CDC20B: variants seen among roughly 807,000 people sequenced by gnomAD.
CDC20B encodes cell division cycle protein 20 homolog B.
Under a neutral mutation model 64.1 loss-of-function variants are expected in CDC20B, and 58 were observed. That is an observed-to-expected ratio of 0.90 (90% CI 0.73 to 1.13). CDC20B has a LOEUF of 1.13. Ranked by LOEUF, CDC20B falls within the 50% of genes most tolerant of loss-of-function variation. The pLI, the probability that CDC20B is intolerant of heterozygous loss-of-function variation, is 0.00. For missense variants in CDC20B, 597 were observed against 633.0 expected (o/e 0.94, Z 0.61); for synonymous variants, 243 against 230.6 (o/e 1.05, Z -0.49).
At chr5:55,158,016 A>G (rs1743862751) in intron 2 of CDC20B, among the ~76,000 whole-genome samples, 1 of 152,224 alleles carries the variant, frequency 6.6e-6, no homozygotes, top group South Asian at 2.1e-4. Flanking sequence ...ACATGAACAC[A>G]TCCACTATGG....
Position 55,124,811 on chromosome 5 carries a change from C to A in CDC20B, c.1207G>T (p.Ala403Ser), listed in dbSNP as rs1742837124. Residue 403 changes from alanine (A) to serine (S), a missense_variant, in exon 9 of 12, where the codon GCA (alanine) becomes TCA (serine). Ala to Ser is a moderately conservative substitution (Grantham distance 99, BLOSUM62 1). Transcript: ENST00000381375. Reference sequence around the variant, plus strand: ...TCTATTGGGTTTCTTACCTTGACTGCCGTAGACTGGGTTATGACTTTCAGC... The same window carrying A: ...TCTATTGGGTTTCTTACCTTGACTGACGTAGACTGGGTTATGACTTTCAGC... ...QPLKVITQST[A>S]VKAMDWCPWQ... 1.2e-6 allele frequency: 2 copies of A among 1,613,674 alleles called. No homozygotes were observed. Among genetic ancestry groups the A allele is most frequent in the East Asian group, 4.5e-5 (2 of 44,832 alleles).
chr5:55,131,293 T>C (rs1263082111), intron 6 of CDC20B, among the ~76,000 whole-genome samples: 1 of 152,194 alleles, frequency 6.6e-6, no homozygotes, highest in Non-Finnish European at 1.5e-5. Context: ...AAGTTAAAAT[T>C]ACATTGTAAT....
chr5:55,162,642 A>C (rs1744139288), intron 2 of CDC20B, among the ~76,000 whole-genome samples: 1 of 152,226 alleles, frequency 6.6e-6, no homozygotes, highest in Non-Finnish European at 1.5e-5. Context: ...TAACGCCATA[A>C]ATGGCAACCA....
chr5:55,113,246 A>G lies in CDC20B; in HGVS notation c.*972T>C, dbSNP rs1398480567. The G allele has an allele frequency of 6.6e-6, 1 of 152,266 alleles. No individual in the cohort carries two copies. The highest frequency in any genetic ancestry group is 2.4e-5 in the African/African-American group (1 of 41,468). 9.4% of individuals were successfully genotyped at this position (152,266 alleles called of 1,614,324 possible). A position where few individuals can be genotyped will look rare whatever the true frequency, so the allele number is the denominator to read the frequency against. On this transcript the variant is annotated 3_prime_UTR_variant, in exon 12 of 12. Coordinates refer to ENST00000381375, the MANE Select transcript of CDC20B (RefSeq NM_001170402.1). ...TTAACATTCAAAAGACAGAACAGCG[A>G]ACTGATCAAGTTTGAAGGAACCTTA...
At chr5:55,137,478 C>G in intron 5 of CDC20B, 1 of 450,986 alleles carries the variant, frequency 2.2e-6, no homozygotes, top group South Asian at 1.6e-5. Flanking sequence ...CACTGATGAG[C>G]AATTACTTGG....
chr5:55,152,399 G>A (rs1004764533), intron 2 of CDC20B, among the ~76,000 whole-genome samples: 19 of 152,196 alleles, frequency 1.2e-4, no homozygotes, highest in African/African-American at 4.3e-4. Context: ...CACTTAATCC[G>A]TGCCAAGCCC....
At chr5:55,158,542 C>T (rs543339583) in intron 2 of CDC20B, among the ~76,000 whole-genome samples, 2 of 152,142 alleles carry the variant, frequency 1.3e-5, no homozygotes, top group Non-Finnish European at 2.9e-5. Context: ...CCCGAAAACA[C>T]ACATGCCACA....
rs7720107 is a variant in CDC20B at position 55,122,992 on chromosome 5, T to C, written c.1215+1811A>G. 4.9e-3 allele frequency among the ~76,000 whole-genome samples: 752 copies of C among 152,262 alleles called. 6 individuals carry two copies. Among genetic ancestry groups the C allele is most frequent in the African/African-American group, 0.017 (712 of 41,556 alleles). On this transcript the variant is annotated intron_variant, in intron 9 of 11. Transcript: ENST00000381375. Reference sequence around the variant, plus strand: ...TGTTTTAAGCCACTAAGTTTTTGAGTAATTTGTTGCACAGCAATAGATAAC... The same window carrying C: ...TGTTTTAAGCCACTAAGTTTTTGAGCAATTTGTTGCACAGCAATAGATAAC...
chr5:55,144,007 A>C (rs768187162), intron 3 of CDC20B, among the ~76,000 whole-genome samples: 17 of 152,156 alleles, frequency 1.1e-4, no homozygotes, highest in Non-Finnish European at 1.6e-4. Flanking sequence ...AAAAAAAAAA[A>C]AAAACCAGAT....
In CDC20B at chr5:55,143,522, T is replaced by A. The variant is rs145816473; in HGVS notation, c.477A>T (p.Ser159=). ...MDRDWKESVA[S]KGQKCLKQLF... is the part of the protein sequence containing the mutation. ...TTTTCTCTTTACCTACCTGCCCTTT[T>A]GAGGCAACACTTTCTTTCCAGTCTC... Residue 159 remains serine (S), a synonymous_variant, in exon 4 of 12, where the codon TCA becomes TCT. Transcript: ENST00000381375. 1.9e-6 allele frequency: 3 copies of A among 1,598,786 alleles called. No individual in the cohort carries two copies. The highest frequency in any genetic ancestry group is 1.7e-6 in the Non-Finnish European group (2 of 1,173,050).
At chr5:55,148,060 T>G (rs1743546444) in intron 2 of CDC20B, among the ~76,000 whole-genome samples, 1 of 152,178 alleles carries the variant, frequency 6.6e-6, no homozygotes, top group Admixed American at 6.5e-5. Context: ...TGACAGACAA[T>G]TTAGATTAAA....
intron 9 of CDC20B, among the ~76,000 whole-genome samples, chr5:55,121,827 G>C (rs1294097149): frequency 6.6e-6 from 1 of 152,126 alleles, no homozygotes; most frequent in Non-Finnish European, 1.5e-5. Context: ...ACTTTTTTCT[G>C]TGTATTTATG....
rs771330126 is a variant in CDC20B at position 55,140,416 on chromosome 5, A to T, written c.487-9T>A. On this transcript the variant is annotated splice_polypyrimidine_tract_variant and intron_variant, in intron 4 of 11. Coordinates refer to ENST00000381375, the MANE Select transcript of CDC20B (RefSeq NM_001170402.1). ...AGTTGTTTTAGGCATTTCTGAAAAT[A>T]AACACACATAAGGAGAATATTTCTT... 1 of 1,574,184 alleles carries T rather than the reference A, an allele frequency of 6.4e-7. No individual in the cohort carries two copies. Among genetic ancestry groups the T allele is most frequent in the African/African-American group, 1.4e-5 (1 of 74,014 alleles).
At chr5:55,120,297 G>A in intron 10 of CDC20B, 128 bp downstream of exon 10, 5 of 1,022,682 alleles carry the variant, frequency 4.9e-6, no homozygotes, top group Non-Finnish European at 7.2e-6. Context: ...AGAAACTCTT[G>A]AGAACTCAAA....
chr5:55,141,127 G>C (rs368828314), intron 4 of CDC20B, among the ~76,000 whole-genome samples: 9 of 152,282 alleles, frequency 5.9e-5, no homozygotes, highest in African/African-American at 2.2e-4. Context: ...AGAACACTTT[G>C]GGGGGCCGTA....
At chr5:55,151,971 T>G (rs1439304473) in intron 2 of CDC20B, among the ~76,000 whole-genome samples, 1 of 152,214 alleles carries the variant, frequency 6.6e-6, no homozygotes, top group East Asian at 1.9e-4. Flanking sequence ...GAGACTATTG[T>G]GAATTGTCAG....
Position 55,173,081 on chromosome 5 carries a change from T to C in CDC20B, c.-81A>G, listed in dbSNP as rs1744679614. The C allele has an allele frequency of 4.6e-6, 6 of 1,293,240 alleles. No homozygotes were observed. The highest frequency in any genetic ancestry group is 2.0e-5 in the Admixed American group (1 of 51,254). The allele number at this position is 1,293,240 out of a possible 1,614,324, so 80.1% of individuals were successfully genotyped here. Reference sequence around the variant, plus strand: ...TTTTCTTCCCAGGTCTAAGTCAGTCTTGACGCCTAATCGTCAAACCCCTGG... The same window carrying C: ...TTTTCTTCCCAGGTCTAAGTCAGTCCTGACGCCTAATCGTCAAACCCCTGG... On this transcript the variant is annotated 5_prime_UTR_variant, in exon 1 of 12. Coordinates refer to ENST00000381375, the MANE Select transcript of CDC20B (RefSeq NM_001170402.1).
chr5:55,159,810 C>A (rs1743938566), intron 2 of CDC20B, among the ~76,000 whole-genome samples: 1 of 152,176 alleles, frequency 6.6e-6, no homozygotes, highest in African/African-American at 2.4e-5. Context: ...GCATCGTACT[C>A]CATCCTCTGC....
rs1378806994 is a variant in CDC20B at position 55,140,295 on chromosome 5, C to T, written c.580+19G>A. On this transcript the variant is annotated intron_variant, in intron 5 of 11. Coordinates refer to ENST00000381375, the MANE Select transcript of CDC20B (RefSeq NM_001170402.1). ...GAGAGAGGAGCGCAGGAAAGAAGGACAATGTCTTGATCCTGTACCTTTCCA... is the reference window on the plus strand; with the variant it reads ...GAGAGAGGAGCGCAGGAAAGAAGGATAATGTCTTGATCCTGTACCTTTCCA... The T allele has an allele frequency of 6.7e-7, 1 of 1,503,376 alleles. No individual in the cohort carries two copies. The highest frequency in any genetic ancestry group is 9.1e-7 in the Non-Finnish European group (1 of 1,099,390). The allele number at this position is 1,503,376 out of a possible 1,614,324, so 93.1% of individuals were successfully genotyped here.
Sources: allele counts gnomAD v4.1 joint callset (sites outside exome capture counted in the v4.1 genomes callset), GRCh38; gene constraint gnomAD v4.1.1; transcripts MANE v1.5; gene names NCBI Gene and HGNC (gene_info 2026-07-23, HGNC 2026-07-21).